KCNMB2: variants seen among roughly 807,000 people sequenced by gnomAD.
The protein encoded by KCNMB2 is calcium-activated potassium channel subunit beta-2.
Under a neutral mutation model 24.5 loss-of-function variants are expected in KCNMB2, and 9 were observed. The ratio of observed to expected loss-of-function variants is 0.37; its 90% CI spans 0.22 to 0.64. The LOEUF (loss-of-function observed/expected upper bound fraction) is 0.64, where lower values mean the gene tolerates loss of function less well. Ranked by LOEUF, KCNMB2 falls within the 30% of genes least tolerant of loss-of-function variation. The probability of loss-of-function intolerance (pLI) is 0.63; values close to 1 mark genes in which losing one functional copy is unlikely to be tolerated. For missense variants in KCNMB2, 226 were observed against 284.3 expected (o/e 0.79, Z 1.47); for synonymous variants, 109 against 104.4 (o/e 1.04, Z -0.27).
intron 1 of KCNMB2, among the ~76,000 whole-genome samples, chr3:178,584,247 C>A (rs770712966): frequency 6.6e-5 from 10 of 152,300 alleles, no homozygotes; most frequent in Non-Finnish European, 1.0e-4. Flanking sequence ...CCTTACAAAA[C>A]CCTGAACGAG....
intron 1 of KCNMB2, among the ~76,000 whole-genome samples, chr3:178,664,840 T>A (rs1013530438): frequency 3.9e-5 from 6 of 152,142 alleles, no homozygotes; most frequent in Non-Finnish European, 1.5e-5. Flanking sequence ...ATTATAATCA[T>A]ACAGTGAAGT....
At chr3:178,828,726 C>T (rs1219649762) in intron 4 of KCNMB2, among the ~76,000 whole-genome samples, 1 of 152,140 alleles carries the variant, frequency 6.6e-6, no homozygotes, top group Non-Finnish European at 1.5e-5. Flanking sequence ...TACCTGGGAA[C>T]CATCAGGTAA....
intron 1 of KCNMB2, among the ~76,000 whole-genome samples, chr3:178,570,473 T>C (rs1380677019): frequency 6.7e-6 from 1 of 149,722 alleles, no homozygotes; most frequent in Admixed American, 6.6e-5. Flanking sequence ...ATAATTAAAA[T>C]ATTTCCAGTC....
chr3:178,541,730 A>G (rs996851751), intron 1 of KCNMB2, among the ~76,000 whole-genome samples: 2 of 152,206 alleles, frequency 1.3e-5, no homozygotes, highest in Non-Finnish European at 2.9e-5. Context: ...CTTGGTTTGA[A>G]TCTCACCTTT....
Position 178,771,683 on chromosome 3 carries a change from T to A in KCNMB2, c.-67-35660T>A, listed in dbSNP as rs546177309. Among the ~76,000 whole-genome samples, 3 of 152,078 alleles carry A rather than the reference T, an allele frequency of 2.0e-5. No homozygotes were observed. The East Asian group carries it at 5.8e-4, about 29-fold the overall frequency. ...TTCTAATGCACCTCCCCCACTTCCA[T>A]GTGACTCACTTTGCTTCTTTGCTGT... On this transcript the variant is annotated intron_variant, in intron 1 of 4. Transcript: ENST00000452583.
chr3:178,586,523 CTT>C (rs1160913551), intron 1 of KCNMB2, among the ~76,000 whole-genome samples: 2 of 61,828 alleles, frequency 3.2e-5, no homozygotes, highest in East Asian at 9.2e-4. Flanking sequence ...ATTTTCTTTT[CTT>C]TTTTTTTTCT....
At chr3:178,633,833 T>C (rs1476312914) in intron 1 of KCNMB2, among the ~76,000 whole-genome samples, 1 of 152,256 alleles carries the variant, frequency 6.6e-6, no homozygotes, top group Non-Finnish European at 1.5e-5. Context: ...TTTTCAAATT[T>C]TTATGCTCTT....
At chr3:178,640,163 G>T (rs181643557) in intron 1 of KCNMB2, among the ~76,000 whole-genome samples, 238 of 152,232 alleles carry the variant, frequency 1.6e-3, no homozygotes, top group Non-Finnish European at 1.1e-3. Context: ...GGCACAAGAC[G>T]CTACTATCTC....
At chr3:178,622,229 TA>T (rs1158915891) in intron 1 of KCNMB2, among the ~76,000 whole-genome samples, 1 of 152,198 alleles carries the variant, frequency 6.6e-6, no homozygotes, top group Non-Finnish European at 1.5e-5. Context: ...AGAATGTGTT[TA>T]ACACTATATC....
chr3:178,733,730 C>T (rs186842961), intron 1 of KCNMB2, among the ~76,000 whole-genome samples: 1,806 of 152,240 alleles, frequency 0.012, 14 homozygotes, highest in Middle Eastern at 0.065. Flanking sequence ...CCACCCGCCT[C>T]GGCCCCCCAA....
chr3:178,613,749 C>G (rs1718579360), intron 1 of KCNMB2, among the ~76,000 whole-genome samples: 1 of 152,102 alleles, frequency 6.6e-6, no homozygotes. Flanking sequence ...CTTTTATAAT[C>G]CTTTCTTTAT....
At chr3:178,657,686 T>C (rs937143899) in intron 1 of KCNMB2, among the ~76,000 whole-genome samples, 1 of 152,200 alleles carries the variant, frequency 6.6e-6, no homozygotes, top group African/African-American at 2.4e-5. Flanking sequence ...GGATAACTTA[T>C]AATGAAAAGA....
intron 1 of KCNMB2, among the ~76,000 whole-genome samples, chr3:178,594,728 CAT>C (rs1256955230): frequency 6.6e-6 from 1 of 151,920 alleles, no homozygotes. Flanking sequence ...GTTGTCAACA[CAT>C]AAGCATTATT....
chr3:178,609,527 T>C (rs994191574), intron 1 of KCNMB2, among the ~76,000 whole-genome samples: 4 of 152,172 alleles, frequency 2.6e-5, no homozygotes, highest in Non-Finnish European at 5.9e-5. Context: ...CCTGTGCTTG[T>C]AGGGTATTGT....
At chr3:178,691,388 C>G (rs1010917666) in intron 1 of KCNMB2, among the ~76,000 whole-genome samples, 1 of 151,090 alleles carries the variant, frequency 6.6e-6, no homozygotes, top group South Asian at 2.1e-4. Context: ...TTATTTTTCC[C>G]AATTATCTGC....
At chr3:178,573,202 T>C (rs1378322585) in intron 1 of KCNMB2, among the ~76,000 whole-genome samples, 2 of 151,940 alleles carry the variant, frequency 1.3e-5, no homozygotes, top group African/African-American at 4.8e-5. Flanking sequence ...AGACATGGTG[T>C]TTCACCATGT....
rs149850350 is a variant in KCNMB2 at position 178,679,780 on chromosome 3, A to G, written c.-67-127563A>G. ...GCCCAAAGGCCTGGAAAGAATTAACAGAGACATTAAATTTAAAAACTCCCT... is the reference window on the plus strand; with the variant it reads ...GCCCAAAGGCCTGGAAAGAATTAACGGAGACATTAAATTTAAAAACTCCCT... On this transcript the variant is annotated intron_variant, in intron 1 of 4. Transcript: ENST00000452583. Among the ~76,000 whole-genome samples, 753 of 152,288 alleles carry G rather than the reference A, an allele frequency of 4.9e-3. 4 individuals carry two copies. The highest frequency in any genetic ancestry group is 0.017 in the African/African-American group (710 of 41,554).
chr3:178,584,615 C>G (rs1577028273), intron 1 of KCNMB2, among the ~76,000 whole-genome samples: 1 of 151,510 alleles, frequency 6.6e-6, no homozygotes, highest in African/African-American at 2.4e-5. Context: ...TGTTAGTGAC[C>G]CAAGTAAATT....
chr3:178,648,813 A>T (rs1720009211), intron 1 of KCNMB2, among the ~76,000 whole-genome samples: 1 of 152,210 alleles, frequency 6.6e-6, no homozygotes, highest in Admixed American at 6.5e-5. Flanking sequence ...TTGCATATTT[A>T]ATGTCACTTA....
Sources: allele counts gnomAD v4.1 joint callset (sites outside exome capture counted in the v4.1 genomes callset), GRCh38; gene constraint gnomAD v4.1.1; transcripts MANE v1.5; gene names NCBI Gene and HGNC (gene_info 2026-07-23, HGNC 2026-07-21).